MATN3: variants seen among roughly 807,000 people sequenced by gnomAD.
MATN3 encodes matrilin-3.
A neutral mutation model predicts 45.3 loss-of-function variants in MATN3; 48 were observed. The ratio of observed to expected loss-of-function variants is 1.06; its 90% CI spans 0.84 to 1.35. The LOEUF (loss-of-function observed/expected upper bound fraction) is 1.35, where lower values mean the gene tolerates loss of function less well. Ranked by LOEUF, MATN3 falls within the 40% of genes most tolerant of loss-of-function variation. The probability of loss-of-function intolerance (pLI) is 0.00; values close to 1 mark genes in which losing one functional copy is unlikely to be tolerated. For synonymous variants in MATN3, 217 were observed against 245.9 expected (o/e 0.88, Z 1.10); for missense variants, 599 against 628.0 (o/e 0.95, Z 0.49).
At position 20,000,586 on chromosome 2, in the gene MATN3, G is replaced by T. The variant is rs1672965678; in HGVS notation, c.1043-20C>A. On this transcript the variant is annotated intron_variant, in intron 4 of 7. Coordinates refer to ENST00000407540, the MANE Select transcript of MATN3 (RefSeq NM_002381.5). ...CTTGAGCTGTGAAACAAAAAGTCAG[G>T]AGAAAAGAAATAGAAGGTGGAAAAG... 6.2e-7 allele frequency: 1 copy of T among 1,601,100 alleles called. No individual in the cohort carries two copies. Among genetic ancestry groups the T allele is most frequent in the Non-Finnish European group, 8.5e-7 (1 of 1,175,826 alleles).
chr2:20,003,394 T>G, intron 2 of MATN3, 108 bp from the exon 3 acceptor site: 1 of 1,037,340 alleles, frequency 9.6e-7, no homozygotes. Flanking sequence ...CGAGTCCATC[T>G]TTACTTCACT....
rs1369031572 is a variant in MATN3 at position 20,005,817 on chromosome 2, C to T, written c.717G>A (p.Glu239=). 10 of 1,610,680 alleles carry T rather than the reference C, an allele frequency of 6.2e-6. No homozygotes were observed. The highest frequency in any genetic ancestry group is 1.7e-5 in the Admixed American group (1 of 59,524). Residue 239 remains glutamate (E), a synonymous_variant, in exon 2 of 8, where the codon GAG becomes GAA. Coordinates refer to ENST00000407540, the MANE Select transcript of MATN3 (RefSeq NM_002381.5). ...SLKMMASEPL[E]EHVFYVETYG... is the part of the protein sequence containing the mutation. ...AGGTCTCCACGTAGAAAACATGCTC[C>T]TCTAGGGGCTCACTGGCCATCATCT...
At chr2:20,003,342 C>T (rs1572384436) in intron 2 of MATN3, 56 bp from the exon 3 acceptor site, 1 of 1,510,468 alleles carries the variant, frequency 6.6e-7, no homozygotes, top group East Asian at 2.4e-5. Context: ...ATCTCAGATA[C>T]CGTCTCCCAT....
chr2:20,009,284 A>AG (rs55816811), intron 1 of MATN3, among the ~76,000 whole-genome samples: 1 of 148,078 alleles, frequency 6.8e-6, no homozygotes, highest in Non-Finnish European at 1.5e-5. Context: ...AAAAAAAAAA[A>AG]CAACTCCAGC....
At chr2:20,002,167 C>CAA in intron 3 of MATN3, 87 bp from the exon 4 acceptor site, 2 of 814,366 alleles carry the variant, frequency 2.5e-6, no homozygotes, top group East Asian at 3.1e-5. Flanking sequence ...GTTATACACA[C>CAA]ACACACACAC....
rs367568927 is a variant in MATN3 at position 20,011,575 on chromosome 2, C to T, written c.223+834G>A. Among the ~76,000 whole-genome samples the T allele has an allele frequency of 1.8e-4, 28 of 152,334 alleles. No individual in the cohort carries two copies. In the East Asian group the frequency reaches 4.1e-3, roughly 22 times the overall value. Reference sequence around the variant, plus strand: ...GACTGCATACCCAGAAATGGCCTGGCACAGACTCTTTTTAGCAAGACTGAA... The same window carrying T: ...GACTGCATACCCAGAAATGGCCTGGTACAGACTCTTTTTAGCAAGACTGAA... On this transcript the variant is annotated intron_variant, in intron 1 of 7. Coordinates refer to ENST00000407540, the MANE Select transcript of MATN3 (RefSeq NM_002381.5).
At position 19,993,021 on chromosome 2, in the gene MATN3, G is replaced by A; in HGVS notation, c.*90C>T. The A allele has an allele frequency of 1.0e-6, 1 of 989,966 alleles. No homozygotes were observed. The highest frequency in any genetic ancestry group is 1.8e-5 in the Admixed American group (1 of 54,128). 61.3% of individuals were successfully genotyped at this position (989,966 alleles called of 1,614,324 possible). On this transcript the variant is annotated 3_prime_UTR_variant, in exon 8 of 8. Coordinates refer to ENST00000407540, the MANE Select transcript of MATN3 (RefSeq NM_002381.5). Reference sequence around the variant, plus strand: ...TACAGATAATGGCAAATTATTAGCAGGAACATTGGCAATAACAGGTGTGCA... The same window carrying A: ...TACAGATAATGGCAAATTATTAGCAAGAACATTGGCAATAACAGGTGTGCA...
chr2:20,011,368 C>T (rs1002961546), intron 1 of MATN3, among the ~76,000 whole-genome samples: 1 of 152,256 alleles, frequency 6.6e-6, no homozygotes, highest in Non-Finnish European at 1.5e-5. Flanking sequence ...CTGTGGACCC[C>T]GGTACCTCCT....
In MATN3 at chr2:20,010,067, TAAAAAAAA is replaced by T. The variant is rs57140153; in HGVS notation, c.223+2334_223+2341del. Among the ~76,000 whole-genome samples the T allele has an allele frequency of 2.9e-3, 198 of 68,694 alleles. 7 individuals carry two copies. The highest frequency in any genetic ancestry group is 0.012 in the African/African-American group (173 of 13,866). 45.1% of individuals were successfully genotyped at this position (68,694 alleles called of 152,430 possible). On this transcript the variant is annotated intron_variant, in intron 1 of 7. Coordinates refer to ENST00000407540, the MANE Select transcript of MATN3 (RefSeq NM_002381.5). ...TCTCAGAATAAATCTCTTCAAATAC[TAAAAAAAA>T]AAAAAAAAAAAAAAACCTCCAGAAT...
chr2:19,996,252 A>C (rs1034126717), intron 6 of MATN3, among the ~76,000 whole-genome samples: 4 of 152,238 alleles, frequency 2.6e-5, no homozygotes, highest in Non-Finnish European at 5.9e-5. Flanking sequence ...CAGAAGGAAT[A>C]AAATAGTTAG....
intron 5 of MATN3, 129 bp from the exon 6 acceptor site, chr2:19,997,388 A>G: frequency 1.1e-6 from 1 of 912,954 alleles, no homozygotes; most frequent in Non-Finnish European, 1.6e-6. Context: ...GTAGTCAGCA[A>G]CAGGCCCCAT....
chr2:19,996,338 CTAAAA>C (rs912449439), intron 6 of MATN3, among the ~76,000 whole-genome samples: 2 of 151,728 alleles, frequency 1.3e-5, no homozygotes, highest in Non-Finnish European at 2.9e-5. Context: ...TAAAGAAGAC[CTAAAA>C]TAAAATAAAA....
rs994435576 is a variant in MATN3 at position 19,992,311 on chromosome 2, G to C, written c.*800C>G. ...CCCAGCACTTTGGGAGGCTGAGGCA[G>C]GTGGATCACTAACATTAAAAAGACA... On this transcript the variant is annotated 3_prime_UTR_variant, in exon 8 of 8. Transcript: ENST00000407540. The C allele has an allele frequency of 4.6e-5, 7 of 152,098 alleles. No individual in the cohort carries two copies. The highest frequency in any genetic ancestry group is 1.0e-4 in the Non-Finnish European group (7 of 67,978). The allele number at this position is 152,098 out of a possible 1,614,324, so 9.4% of individuals were successfully genotyped here.
At chr2:20,002,893 C>T (rs1673014506) in intron 3 of MATN3, among the ~76,000 whole-genome samples, 1 of 152,184 alleles carries the variant, frequency 6.6e-6, no homozygotes, top group African/African-American at 2.4e-5. Flanking sequence ...TGAGCTACTG[C>T]ACTCAGCCTG....
In MATN3 at chr2:20,012,172, G is replaced by A. The variant is rs761195643; in HGVS notation, c.223+237C>T. Among the ~76,000 whole-genome samples the A allele has an allele frequency of 2.6e-5, 4 of 152,208 alleles. No homozygotes were observed. The highest frequency in any genetic ancestry group is 4.8e-5 in the African/African-American group (2 of 41,460). On this transcript the variant is annotated intron_variant, in intron 1 of 7. Coordinates refer to ENST00000407540, the MANE Select transcript of MATN3 (RefSeq NM_002381.5). This position sits in a 1 kb window ranked among gnomAD's most constrained non-coding sequence, Gnocchi z 4.3. Reference sequence around the variant, plus strand: ...CCCCAGCTGCCCTGTGCTCCTGGCCGAATCACAGGGGAGTGAGAGCTTCAG... The same window carrying A: ...CCCCAGCTGCCCTGTGCTCCTGGCCAAATCACAGGGGAGTGAGAGCTTCAG...
Position 19,995,317 on chromosome 2 carries a change from G to A in MATN3, c.1295-908C>T, listed in dbSNP as rs1672844751. On this transcript the variant is annotated intron_variant, in intron 6 of 7. Coordinates refer to ENST00000407540, the MANE Select transcript of MATN3 (RefSeq NM_002381.5). The surrounding 1 kb of genome is among the most constrained non-coding windows in gnomAD (Gnocchi z 4.2). ...AAGACACAAAAATTAGCTGGGCGTG[G>A]TGGCCCATGCCTGTAATCCCAGCTA... Among the ~76,000 whole-genome samples, 1 of 152,018 alleles carries A rather than the reference G, an allele frequency of 6.6e-6. No individual in the cohort carries two copies. Among genetic ancestry groups the A allele is most frequent in the African/African-American group, 2.4e-5 (1 of 41,386 alleles).
At chr2:20,002,185 C>A (rs1440521271) in intron 3 of MATN3, 105 bp from the exon 4 acceptor site, 3 of 906,742 alleles carry the variant, frequency 3.3e-6, no homozygotes, top group African/African-American at 3.4e-5. Context: ...CACACACACA[C>A]ACACACAGAG....
At chr2:20,001,905 A>T in intron 4 of MATN3, 50 bp downstream of exon 4, 1 of 1,574,182 alleles carries the variant, frequency 6.4e-7, no homozygotes, top group African/African-American at 1.4e-5. Context: ...ATCACCGGGT[A>T]GGTAGGCAGA....
intron 1 of MATN3, among the ~76,000 whole-genome samples, chr2:20,010,639 A>G (rs1673204259): frequency 6.6e-6 from 1 of 152,202 alleles, no homozygotes; most frequent in African/African-American, 2.4e-5. Flanking sequence ...GCCATAAGCC[A>G]AGGAACTCAG....
Sources: gnomAD v4.1 joint callset for allele counts (sites outside exome capture counted in the v4.1 genomes callset) on GRCh38, gnomAD v4.1.1 for gene constraint, Gnocchi (gnomAD v3.1) non-coding constraint, MANE v1.5 for transcripts, NCBI Gene and HGNC (gene_info 2026-07-23, HGNC 2026-07-21) for gene names.